CYSLTR2: variants seen among roughly 807,000 people sequenced by gnomAD.
CYSLTR2 encodes the protein cysteinyl leukotriene receptor 2.
For missense variants in CYSLTR2, 398 were observed against 411.9 expected (o/e 0.97, Z 0.29); for synonymous variants, 179 against 160.8 (o/e 1.11, Z -0.86).
Position 48,668,772 on chromosome 13 carries a change from G to A in CYSLTR2, c.-266+14755G>A, listed in dbSNP as rs183101107. Reference sequence around the variant, plus strand: ...TCCCTCCCCTTGTCCCCCAACCCCCGACAGGCTCTGATGTGTGATGTTCCC... The same window carrying A: ...TCCCTCCCCTTGTCCCCCAACCCCCAACAGGCTCTGATGTGTGATGTTCCC... On this transcript the variant is annotated intron_variant, in intron 1 of 4. Coordinates refer to ENST00000682523, the MANE Select transcript of CYSLTR2 (RefSeq NM_001308476.3). Among the ~76,000 whole-genome samples, 530 of 151,892 alleles carry A rather than the reference G, an allele frequency of 3.5e-3. 2 individuals carry two copies. The highest frequency in any genetic ancestry group is 5.1e-3 in the Non-Finnish European group (345 of 67,936).
chr13:48,690,368 A>T (rs1021572344), intron 1 of CYSLTR2, among the ~76,000 whole-genome samples: 7 of 152,168 alleles, frequency 4.6e-5, no homozygotes, highest in Non-Finnish European at 1.0e-4. Context: ...TTGCCCATTC[A>T]GTATGATATT....
chr13:48,660,196 A>G lies in CYSLTR2; in HGVS notation c.-266+6179A>G, dbSNP rs534117560. 3.9e-5 allele frequency among the ~76,000 whole-genome samples: 6 copies of G among 152,252 alleles called. No individual in the cohort carries two copies. The South Asian group carries it at 1.2e-3, about 32-fold the overall frequency. ...AGGTGGGAAGAAGGAGGTCTGAGGT[A>G]ATGCTGTACATCTTGTTCTTGAGGG... On this transcript the variant is annotated intron_variant, in intron 1 of 4. Coordinates refer to ENST00000682523, the MANE Select transcript of CYSLTR2 (RefSeq NM_001308476.3).
chr13:48,660,431 T>A (rs1256024896), intron 1 of CYSLTR2, among the ~76,000 whole-genome samples: 1 of 152,116 alleles, frequency 6.6e-6, no homozygotes, highest in Non-Finnish European at 1.5e-5. Context: ...TGGTGGCCAA[T>A]GAAGTGACTC....
Position 48,707,901 on chromosome 13 carries a change from C to A in CYSLTR2, c.*43C>A, listed in dbSNP as rs199895994. The A allele has an allele frequency of 1.0e-4, 149 of 1,428,478 alleles. 1 individual carries two copies. Among genetic ancestry groups the A allele is most frequent in the South Asian group, 9.7e-4 (61 of 62,932 alleles). 88.5% of individuals were successfully genotyped at this position (1,428,478 alleles called of 1,614,324 possible). The stretch of plus-strand genomic sequence containing the variant: ...CCTGTTCTTGTATCCTTGTGTCCAT[C>A]TTCATTCACTCATAGTCTCCAAATG... On this transcript the variant is annotated 3_prime_UTR_variant, in exon 5 of 5. Coordinates refer to ENST00000682523, the MANE Select transcript of CYSLTR2 (RefSeq NM_001308476.3).
rs1439704489 is a variant in CYSLTR2 at position 48,698,816 on chromosome 13, G to A, written c.-2+2190G>A. Reference sequence around the variant, plus strand: ...AACACACATAGGCTCAAAATAAAGGGATGGAGGAAGATCTACCAAGCAAAT... The same window carrying A: ...AACACACATAGGCTCAAAATAAAGGAATGGAGGAAGATCTACCAAGCAAAT... On this transcript the variant is annotated intron_variant, in intron 4 of 4. Transcript: ENST00000682523. Among the ~76,000 whole-genome samples the A allele has an allele frequency of 3.3e-5, 5 of 152,086 alleles. No individual in the cohort carries two copies. In the South Asian group the frequency reaches 6.2e-4, roughly 19 times the overall value.
intron 4 of CYSLTR2, among the ~76,000 whole-genome samples, chr13:48,702,185 T>C (rs1456576210): frequency 6.9e-6 from 1 of 145,904 alleles, no homozygotes; most frequent in African/African-American, 2.6e-5. Flanking sequence ...CTGCATGTTC[T>C]CACTCATAGG....
intron 4 of CYSLTR2, among the ~76,000 whole-genome samples, chr13:48,705,521 A>G (rs1330542211): frequency 6.7e-6 from 1 of 149,914 alleles, no homozygotes; most frequent in African/African-American, 2.4e-5. Flanking sequence ...TTAGAATTCC[A>G]TTTTTATTTA....
chr13:48,696,858 G>A (rs1335817678), intron 4 of CYSLTR2, among the ~76,000 whole-genome samples: 2 of 151,390 alleles, frequency 1.3e-5, no homozygotes, highest in East Asian at 3.8e-4. Context: ...ACATGGCTCG[G>A]AGGGTCCCAC....
chr13:48,685,403 A>G (rs566331535), intron 1 of CYSLTR2, among the ~76,000 whole-genome samples: 36 of 152,300 alleles, frequency 2.4e-4, no homozygotes, highest in African/African-American at 7.7e-4. Context: ...GGAGATTACA[A>G]TTGAACATAA....
At chr13:48,679,195 C>CT (rs1264797732) in intron 1 of CYSLTR2, among the ~76,000 whole-genome samples, 1 of 152,082 alleles carries the variant, frequency 6.6e-6, no homozygotes, top group African/African-American at 2.4e-5. Flanking sequence ...CCCAGAGTCC[C>CT]TGTCCCTCTC....
At chr13:48,658,988 T>G (rs973358390) in intron 1 of CYSLTR2, among the ~76,000 whole-genome samples, 2 of 151,686 alleles carry the variant, frequency 1.3e-5, no homozygotes, top group Non-Finnish European at 2.9e-5. Context: ...AGGGAGCCAT[T>G]GAGGAGGCTG....
chr13:48,672,703 C>T (rs1278813281), intron 1 of CYSLTR2, among the ~76,000 whole-genome samples: 5 of 151,054 alleles, frequency 3.3e-5, no homozygotes, highest in African/African-American at 4.9e-5. Context: ...CTGCAACCTC[C>T]GCCTCCTGGG....
At position 48,710,952 on chromosome 13, in the gene CYSLTR2, A is replaced by G. The variant is rs1312350476; in HGVS notation, c.*3094A>G. Reference sequence around the variant, plus strand: ...AGATGTGTACGTGTGTGGGAGAGGTATAAGAGACCTAGGTTGCCATATTCT... The same window carrying G: ...AGATGTGTACGTGTGTGGGAGAGGTGTAAGAGACCTAGGTTGCCATATTCT... On this transcript the variant is annotated 3_prime_UTR_variant, in exon 5 of 5. Coordinates refer to ENST00000682523, the MANE Select transcript of CYSLTR2 (RefSeq NM_001308476.3). 2 of 152,166 alleles carry G rather than the reference A, an allele frequency of 1.3e-5. No homozygotes were observed. The highest frequency in any genetic ancestry group is 2.4e-5 in the African/African-American group (1 of 41,446). The allele number at this position is 152,166 out of a possible 1,614,324, so 9.4% of individuals were successfully genotyped here.
In CYSLTR2 at chr13:48,675,945, A is replaced by C. The variant is rs189610356; in HGVS notation, c.-265-15267A>C. Among the ~76,000 whole-genome samples the C allele has an allele frequency of 6.6e-4, 101 of 152,142 alleles. 1 individual carries two copies. The highest frequency in any genetic ancestry group is 5.8e-3 in the Admixed American group (89 of 15,282). ...CACTTCCCAGGTGAGGCGATACCCC[A>C]CTCTGCTTCTGCTCACCCCCCATGG... On this transcript the variant is annotated intron_variant, in intron 1 of 4. Coordinates refer to ENST00000682523, the MANE Select transcript of CYSLTR2 (RefSeq NM_001308476.3).
rs534283601 is a variant in CYSLTR2 at position 48,680,395 on chromosome 13, T to G, written c.-265-10817T>G. On this transcript the variant is annotated intron_variant, in intron 1 of 4. Coordinates refer to ENST00000682523, the MANE Select transcript of CYSLTR2 (RefSeq NM_001308476.3). ...GGAACAGTTGCAGCTTTGCTATCAC[T>G]GTGACAACATTCTAAGCATCGACGT... 2.6e-5 allele frequency among the ~76,000 whole-genome samples: 4 copies of G among 152,326 alleles called. No homozygotes were observed. The South Asian group carries it at 8.3e-4, about 32-fold the overall frequency.
chr13:48,700,456 A>T (rs1459340413), intron 4 of CYSLTR2, among the ~76,000 whole-genome samples: 1 of 152,254 alleles, frequency 6.6e-6, no homozygotes, highest in Non-Finnish European at 1.5e-5. Flanking sequence ...AAGGCCTTCA[A>T]CAAAATTCAA....
At chr13:48,703,359 A>G (rs1342573005) in intron 4 of CYSLTR2, among the ~76,000 whole-genome samples, 1 of 152,162 alleles carries the variant, frequency 6.6e-6, no homozygotes, top group Non-Finnish European at 1.5e-5. Flanking sequence ...ACTATGTTGA[A>G]TAAGACAGTG....
At chr13:48,683,898 C>T (rs1175329345) in intron 1 of CYSLTR2, among the ~76,000 whole-genome samples, 4 of 152,044 alleles carry the variant, frequency 2.6e-5, no homozygotes, top group African/African-American at 9.7e-5. Context: ...TGCATTCTTC[C>T]AGTTCATAAT....
chr13:48,685,787 C>T (rs1164712382), intron 1 of CYSLTR2, among the ~76,000 whole-genome samples: 1 of 152,096 alleles, frequency 6.6e-6, no homozygotes, highest in African/African-American at 2.4e-5. Context: ...CATCATTCCC[C>T]CAAGTCTGAT....
Sources: gnomAD v4.1 joint callset for allele counts (sites outside exome capture counted in the v4.1 genomes callset) on GRCh38, gnomAD v4.1.1 for gene constraint, MANE v1.5 for transcripts, NCBI Gene and HGNC (gene_info 2026-07-23, HGNC 2026-07-21) for gene names.